Variants in OPCML observed in about 807,000 individuals in gnomAD.
OPCML encodes the protein opioid binding protein/cell adhesion molecule like.
OPCML carries 13 observed loss-of-function variants against 37.8 expected under a neutral mutation model. The observed-to-expected ratio is 0.34, with a 90% confidence interval of 0.22 to 0.55. The LOEUF is 0.55. OPCML is among the 20% of genes least tolerant of loss of function. OPCML has a pLI of 0.91. For synonymous variants in OPCML, 176 were observed against 168.8 expected (o/e 1.04, Z -0.33); for missense variants, 341 against 435.6 (o/e 0.78, Z 1.93).
intron 3 of OPCML, among the ~76,000 whole-genome samples, chr11:132,655,992 G>T (rs970806092): frequency 1.3e-5 from 2 of 150,994 alleles, no homozygotes; most frequent in Non-Finnish European, 2.9e-5. Context: ...TCTGATAAAA[G>T]GCAGATGCTA....
intron 1 of OPCML, among the ~76,000 whole-genome samples, chr11:133,088,012 A>T (rs1174317716): frequency 3.9e-5 from 6 of 152,254 alleles, no homozygotes; most frequent in Non-Finnish European, 8.8e-5. Context: ...TATATGAGAA[A>T]AAGTGTGTAA....
At chr11:133,218,311 G>T in intron 1 of OPCML, among the ~76,000 whole-genome samples, 1 of 152,104 alleles carries the variant, frequency 6.6e-6, no homozygotes, top group Admixed American at 6.5e-5. Flanking sequence ...ACTTACTGTG[G>T]AGAGGAGAAT....
At chr11:132,602,581 G>T (rs577092657) in intron 3 of OPCML, among the ~76,000 whole-genome samples, 4 of 152,124 alleles carry the variant, frequency 2.6e-5, no homozygotes, top group African/African-American at 9.7e-5. Flanking sequence ...GAGCCCTGGC[G>T]ACACCTTCCT....
chr11:132,579,598 G>A (rs1243898314), intron 3 of OPCML, among the ~76,000 whole-genome samples: 1 of 152,124 alleles, frequency 6.6e-6, no homozygotes, highest in Non-Finnish European at 1.5e-5. Context: ...GTTTCAGGGA[G>A]AGAGCACCCT....
chr11:132,958,938 C>T (rs554546928), intron 1 of OPCML, among the ~76,000 whole-genome samples: 15 of 152,324 alleles, frequency 9.8e-5, no homozygotes, highest in East Asian at 7.7e-4. Context: ...ACCTCCGTTC[C>T]GTAGCCCATG....
intron 2 of OPCML, among the ~76,000 whole-genome samples, chr11:132,828,264 A>G (rs1008299038): frequency 5.3e-5 from 8 of 152,196 alleles, no homozygotes; most frequent in Non-Finnish European, 1.2e-4. Context: ...CGCGTGGAAC[A>G]CAGAAGACAC....
chr11:133,134,090 G>C (rs1385036831), intron 1 of OPCML, among the ~76,000 whole-genome samples: 1 of 152,114 alleles, frequency 6.6e-6, no homozygotes, highest in Non-Finnish European at 1.5e-5. Context: ...AGCCTGAATT[G>C]TATCAATGCA....
intron 1 of OPCML, among the ~76,000 whole-genome samples, chr11:133,403,678 C>T (rs1048671460): frequency 3.9e-5 from 6 of 152,006 alleles, no homozygotes; most frequent in Admixed American, 3.9e-4. Flanking sequence ...TGTTATCGTA[C>T]CAATTACATG....
intron 1 of OPCML, among the ~76,000 whole-genome samples, chr11:133,288,832 G>A (rs1278438304): frequency 1.3e-5 from 2 of 152,138 alleles, no homozygotes; most frequent in African/African-American, 2.4e-5. Context: ...CAACTAGACT[G>A]GGGTGTCGGC....
At chr11:132,599,899 G>A (rs1370381156) in intron 3 of OPCML, among the ~76,000 whole-genome samples, 3 of 152,086 alleles carry the variant, frequency 2.0e-5, no homozygotes, top group African/African-American at 7.2e-5. Flanking sequence ...TTTCTGGGAC[G>A]CTTTTGGATA....
chr11:133,455,863 T>G (rs553037473), intron 1 of OPCML, among the ~76,000 whole-genome samples: 2 of 152,308 alleles, frequency 1.3e-5, no homozygotes, highest in East Asian at 3.9e-4. Context: ...TGGGAAATTT[T>G]GTGGTGTTTT....
intron 3 of OPCML, among the ~76,000 whole-genome samples, chr11:132,553,975 C>A (rs1421380353): frequency 2.0e-5 from 3 of 152,184 alleles, no homozygotes; most frequent in Non-Finnish European, 4.4e-5. Flanking sequence ...CCTTTATCAT[C>A]TTTGCTGAAC....
intron 1 of OPCML, among the ~76,000 whole-genome samples, chr11:133,084,284 T>C (rs1200658839): frequency 1.3e-5 from 2 of 152,180 alleles, no homozygotes; most frequent in African/African-American, 4.8e-5. Context: ...GCACAGGGCC[T>C]TGCACACCCT....
At chr11:133,430,584 C>T (rs1038015458) in intron 1 of OPCML, among the ~76,000 whole-genome samples, 1 of 151,832 alleles carries the variant, frequency 6.6e-6, no homozygotes, top group African/African-American at 2.4e-5. Flanking sequence ...TGAAAAAATG[C>T]CAGGAAACCA....
chr11:132,555,229 T>C (rs575712044), intron 3 of OPCML, among the ~76,000 whole-genome samples: 5 of 152,194 alleles, frequency 3.3e-5, no homozygotes, highest in Admixed American at 1.3e-4. Flanking sequence ...GACTCAAGAC[T>C]GGGTGATTTA....
intron 2 of OPCML, among the ~76,000 whole-genome samples, chr11:132,754,905 C>A (rs1453540199): frequency 6.6e-6 from 1 of 152,110 alleles, no homozygotes; most frequent in Admixed American, 6.5e-5. Context: ...CCACAGTGTT[C>A]TAGGGGTGGG....
At chr11:133,147,483 G>A (rs1398002007) in intron 1 of OPCML, among the ~76,000 whole-genome samples, 7 of 152,114 alleles carry the variant, frequency 4.6e-5, no homozygotes, top group African/African-American at 1.4e-4. Context: ...CCCTCTGAGC[G>A]AGAAAAAGGC....
intron 3 of OPCML, among the ~76,000 whole-genome samples, chr11:132,595,350 C>T (rs367939659): frequency 2.6e-5 from 4 of 152,146 alleles, no homozygotes; most frequent in East Asian, 3.8e-4. Context: ...ATGGGCCCAG[C>T]ATCACATAAT....
chr11:132,944,901 G>A (rs575903618), intron 1 of OPCML, among the ~76,000 whole-genome samples: 18 of 152,178 alleles, frequency 1.2e-4, no homozygotes, highest in Non-Finnish European at 2.2e-4. Context: ...ATTAGACTGG[G>A]CTCTGCACAA....
Sources: gnomAD v4.1 joint callset for allele counts (sites outside exome capture counted in the v4.1 genomes callset) on GRCh38, gnomAD v4.1.1 for gene constraint, MANE v1.5 for transcripts, NCBI Gene and HGNC (gene_info 2026-07-23, HGNC 2026-07-21) for gene names.